Variants in KIFAP3 observed in about 807,000 individuals in gnomAD.
KIFAP3 encodes the protein kinesin-associated protein 3.
Under a neutral mutation model 106.5 loss-of-function variants are expected in KIFAP3, and 68 were observed. The observed-to-expected ratio is 0.64, with a 90% CI of 0.53 to 0.78. The LOEUF (loss-of-function observed/expected upper bound fraction) is 0.78, where lower values mean the gene tolerates loss of function less well. KIFAP3 is among the 30% of genes least tolerant of loss of function. KIFAP3 has a pLI of 0.00. For missense variants in KIFAP3, 780 were observed against 941.8 expected (o/e 0.83, Z 2.25); for synonymous variants, 320 against 311.5 (o/e 1.03, Z -0.29).
chr1:170,009,282 G>A (rs898364184), intron 10 of KIFAP3, among the ~76,000 whole-genome samples: 1 of 151,836 alleles, frequency 6.6e-6, no homozygotes, highest in Non-Finnish European at 1.5e-5. Flanking sequence ...TATTTTAAAA[G>A]CTGACATAAA....
intron 17 of KIFAP3, among the ~76,000 whole-genome samples, chr1:169,971,728 G>A (rs1302839001): frequency 6.6e-6 from 1 of 151,930 alleles, no homozygotes; most frequent in Non-Finnish European, 1.5e-5. Context: ...TGTTTAAAAA[G>A]CTAAAGTTAA....
chr1:170,032,375 T>C (rs564724024), intron 7 of KIFAP3, among the ~76,000 whole-genome samples: 68 of 151,780 alleles, frequency 4.5e-4, no homozygotes, highest in Non-Finnish European at 8.0e-4. Flanking sequence ...GAAAGTGATT[T>C]AGTTACTAAG....
intron 5 of KIFAP3, among the ~76,000 whole-genome samples, chr1:170,037,718 C>T (rs968890922): frequency 3.9e-5 from 6 of 152,064 alleles, no homozygotes; most frequent in South Asian, 2.1e-4. Flanking sequence ...TTGCAGTGAG[C>T]GGAGATCGCG....
At chr1:169,931,122 G>A (rs188938510) in intron 19 of KIFAP3, among the ~76,000 whole-genome samples, 158 of 151,900 alleles carry the variant, frequency 1.0e-3, no homozygotes, top group African/African-American at 3.5e-3. Flanking sequence ...GTTTTGCCAC[G>A]TTGTCCAGGC....
chr1:169,945,288 C>T (rs1457672959), intron 19 of KIFAP3, among the ~76,000 whole-genome samples: 1 of 152,182 alleles, frequency 6.6e-6, no homozygotes. Flanking sequence ...TGGAAGCAGG[C>T]ACTTCCGAAC....
intron 10 of KIFAP3, among the ~76,000 whole-genome samples, chr1:170,004,142 T>C (rs1472545386): frequency 3.6e-4 from 55 of 151,842 alleles, no homozygotes; most frequent in African/African-American, 1.2e-3. Context: ...AGGAATGCAA[T>C]TTACAAGGGA....
intron 17 of KIFAP3, among the ~76,000 whole-genome samples, chr1:169,965,069 C>T (rs957566678): frequency 3.9e-5 from 6 of 152,136 alleles, no homozygotes; most frequent in African/African-American, 1.2e-4. Flanking sequence ...ATTGTCCATA[C>T]TAATTGGCTT....
At chr1:170,020,330 G>A (rs925448229) in intron 9 of KIFAP3, among the ~76,000 whole-genome samples, 1 of 150,790 alleles carries the variant, frequency 6.6e-6, no homozygotes, top group Non-Finnish European at 1.5e-5. Context: ...CTTACTGCTT[G>A]ATTTCAATAC....
rs117771583 is a variant in KIFAP3, at chr1:169,939,911, C to A, written c.2273+14100G>T. Among the ~76,000 whole-genome samples the A allele has an allele frequency of 5.1e-3, 778 of 152,196 alleles. 19 individuals are homozygous for A. The South Asian group carries it at 0.08, about 16-fold the overall frequency. ...GAGTGGGGAAGTTGAAGAGCACATGCAAGTCTTTTGAGAAGTTTTGGATAA... is the reference window on the plus strand; with the variant it reads ...GAGTGGGGAAGTTGAAGAGCACATGAAAGTCTTTTGAGAAGTTTTGGATAA... On this transcript the variant is annotated intron_variant, in intron 19 of 19. Transcript: ENST00000361580.
chr1:170,034,318 C>T (rs1571704082), intron 7 of KIFAP3, 54 bp downstream of exon 7: 2 of 1,552,680 alleles, frequency 1.3e-6, no homozygotes, highest in Admixed American at 2.1e-5. Flanking sequence ...CCCACCCATC[C>T]AAAACTTAAA....
intron 1 of KIFAP3, among the ~76,000 whole-genome samples, chr1:170,070,539 T>C (rs944910277): frequency 1.3e-5 from 2 of 152,072 alleles, no homozygotes; most frequent in Non-Finnish European, 2.9e-5. Context: ...AAACCATTCA[T>C]GGAGGAAAAG....
At chr1:169,955,804 T>C (rs998496844) in intron 18 of KIFAP3, among the ~76,000 whole-genome samples, 1 of 152,156 alleles carries the variant, frequency 6.6e-6, no homozygotes, top group Admixed American at 6.5e-5. Context: ...GTGTCAGTAA[T>C]ATTTAATCCA....
chr1:170,053,639 A>C (rs1440116542), intron 2 of KIFAP3, among the ~76,000 whole-genome samples: 1 of 152,192 alleles, frequency 6.6e-6, no homozygotes, highest in Non-Finnish European at 1.5e-5. Flanking sequence ...CTGGTATCAA[A>C]ACAGGGATAA....
At chr1:170,047,360 C>T (rs1374213188) in intron 2 of KIFAP3, among the ~76,000 whole-genome samples, 2 of 151,670 alleles carry the variant, frequency 1.3e-5, no homozygotes, top group African/African-American at 2.4e-5. Context: ...GTGGTTCACG[C>T]CTGTAATTCC....
Position 170,035,531 on chromosome 1 carries a change from T to C in KIFAP3, c.540A>G (p.Ala180=), listed in dbSNP as rs775927296. 24 of 1,607,676 alleles carry C rather than the reference T, an allele frequency of 1.5e-5. No individual in the cohort carries two copies. The highest frequency in any genetic ancestry group is 1.6e-5 in the Non-Finnish European group (19 of 1,176,724). The change falls in exon 6 of 20, where the codon GCA becomes GCG. Residue 180 remains alanine (A), a synonymous_variant. Transcript: ENST00000361580. ...GCTTCCAGTCTTCTCTCAGGACCCTTGCTAATGCACCAAGGGCAGTTTCTA... is the reference window on the plus strand; with the variant it reads ...GCTTCCAGTCTTCTCTCAGGACCCTCGCTAATGCACCAAGGGCAGTTTCTA... ...LLNETALGAL[A]RVLREDWKQS... is the part of the protein sequence containing the mutation.
At chr1:169,998,484 G>T (rs1357916146) in intron 10 of KIFAP3, among the ~76,000 whole-genome samples, 1 of 151,310 alleles carries the variant, frequency 6.6e-6, no homozygotes, top group Non-Finnish European at 1.5e-5. Flanking sequence ...GAAAGGAGGT[G>T]ATGACAGAGC....
At chr1:170,078,100 G>A (rs1671953438), upstream of KIFAP3, among the ~76,000 whole-genome samples, 1 of 152,096 alleles carries the variant, frequency 6.6e-6, no homozygotes, top group Non-Finnish European at 1.5e-5. Flanking sequence ...GTAAATATAT[G>A]AATGACTGTA....
chr1:170,060,463 A>G (rs1232948605), intron 1 of KIFAP3, among the ~76,000 whole-genome samples: 3 of 152,210 alleles, frequency 2.0e-5, no homozygotes. Flanking sequence ...AGGGATGTGA[A>G]GGACCTCTTC....
In KIFAP3 at chr1:169,990,766, A is replaced by G. The variant is rs533285188; in HGVS notation, c.1284+1389T>C. 9.9e-5 allele frequency among the ~76,000 whole-genome samples: 15 copies of G among 152,228 alleles called. No homozygotes were observed. The South Asian group carries it at 3.1e-3, about 32-fold the overall frequency. ...AACTCCTTCAAGACATTTAGGACAG[A>G]TATTTATTTAGGTCTATTTAGACCT... On this transcript the variant is annotated intron_variant, in intron 11 of 19. Coordinates refer to ENST00000361580, the MANE Select transcript of KIFAP3 (RefSeq NM_014970.4).
Sources: allele counts gnomAD v4.1 joint callset (sites outside exome capture counted in the v4.1 genomes callset), GRCh38; gene constraint gnomAD v4.1.1; transcripts MANE v1.5; gene names NCBI Gene and HGNC (gene_info 2026-07-23, HGNC 2026-07-21).